Variants in NLRP14 observed in about 807,000 individuals in gnomAD.
The protein encoded by NLRP14 is NACHT, LRR and PYD domains-containing protein 14.
A neutral mutation model predicts 94.7 loss-of-function variants in NLRP14; 105 were observed. The observed-to-expected ratio is 1.11, with a 90% confidence interval of 0.95 to 1.30. The LOEUF is 1.30. Among genes scored for constraint, NLRP14 ranks in the 50% most tolerant of loss-of-function variants. The pLI is 0.00. For synonymous variants in NLRP14, 508 were observed against 459.9 expected, an observed-to-expected ratio of 1.10 and a Z score of -1.34; for missense variants, 1,362 against 1,254.1, an observed-to-expected ratio of 1.09 and a Z score of -1.30.
intron 1 of NLRP14, among the ~76,000 whole-genome samples, chr11:7,027,817 A>T (rs1852035991): frequency 6.6e-6 from 1 of 152,182 alleles, no homozygotes; most frequent in African/African-American, 2.4e-5. Flanking sequence ...TTCTATCAGC[A>T]GAATTTGGCA....
At chr11:7,056,616 C>G (rs1028653864) in intron 6 of NLRP14, among the ~76,000 whole-genome samples, 2 of 148,734 alleles carry the variant, frequency 1.3e-5, no homozygotes, top group Admixed American at 1.3e-4. Context: ...CAGTTAGAAA[C>G]ATTTAAAAAT....
intron 1 of NLRP14, among the ~76,000 whole-genome samples, chr11:7,035,226 C>G (rs1029740901): frequency 1.7e-4 from 26 of 152,108 alleles, no homozygotes; most frequent in African/African-American, 6.0e-4. Context: ...GTGGCTAAGC[C>G]ATGAGAATCG....
intron 5 of NLRP14, among the ~76,000 whole-genome samples, chr11:7,047,764 T>A (rs1852379301): frequency 3.7e-5 from 1 of 26,752 alleles, no homozygotes; most frequent in Non-Finnish European, 8.8e-5. Context: ...CTTTCTTTTC[T>A]TTTCTTTTTT....
Position 7,042,634 on chromosome 11 carries a change from G to T in NLRP14, c.608G>T (p.Gly203Val), listed in dbSNP as rs778673504. ...VRKAMLDWAE[G>V]SLYQQRFKYV... is the part of the protein sequence containing the mutation. ...AAGGCAATGTTAGATTGGGCAGAGG[G>T]CAGTCTCTACCAGCAGAGGTTTAAG... is the stretch of plus-strand genomic sequence containing the variant. The change falls in exon 4 of 12, where the codon GGC becomes GTC. Residue 203 changes from glycine to valine, a missense_variant. By Grantham distance (109) the Gly-to-Val change is moderately radical. Transcript: ENST00000299481. 3 of 1,613,988 alleles carry T rather than the reference G, an allele frequency of 1.9e-6. No homozygotes were observed. Among genetic ancestry groups the T allele is most frequent in the Non-Finnish European group, 2.5e-6 (3 of 1,179,960 alleles).
chr11:7,052,519 G>C (rs930556642), intron 6 of NLRP14, among the ~76,000 whole-genome samples: 1 of 152,152 alleles, frequency 6.6e-6, no homozygotes, highest in Non-Finnish European at 1.5e-5. Context: ...TGTAATCCCA[G>C]CTACTCAGGA....
Position 7,042,602 on chromosome 11 carries a change from G to A in NLRP14, c.576G>A (p.Leu192=). Reference sequence around the variant, plus strand: ...CTGCTGGAGTTGGGAAAACAACCTTGGTGAGAAAGGCAATGTTAGATTGGG... The same window carrying A: ...CTGCTGGAGTTGGGAAAACAACCTTAGTGAGAAAGGCAATGTTAGATTGGG... ...QGAAGVGKTT[L]VRKAMLDWAE... is the part of the protein sequence containing the mutation. Residue 192 remains leucine (L), a synonymous_variant, in exon 4 of 12, where the codon TTG becomes TTA. Coordinates refer to ENST00000299481, the MANE Select transcript of NLRP14 (RefSeq NM_176822.4). 2 of 1,614,192 alleles carry A rather than the reference G, an allele frequency of 1.2e-6. No individual in the cohort carries two copies.
chr11:7,043,149 G>A lies in NLRP14; in HGVS notation c.1123G>A (p.Ala375Thr), dbSNP rs368562565. 4.8e-5 allele frequency: 77 copies of A among 1,613,988 alleles called. 3 individuals carry two copies. The highest frequency in any genetic ancestry group is 4.4e-4 in the South Asian group (40 of 91,078). Residue 375 changes from alanine (A) to threonine (T), a missense_variant, in exon 4 of 12, where the codon GCT becomes ACT. By Grantham distance (58) the Ala-to-Thr change is moderately conservative. Transcript: ENST00000299481. Reference protein sequence around the residue: ...MCQVPLVCWAACTCLKQQMEK... With the variant: ...MCQVPLVCWATCTCLKQQMEK... ...CCAAGTCCCCCTAGTGTGCTGGGCC[G>A]CTTGTACTTGTCTGAAGCAGCAAAT...
intron 1 of NLRP14, among the ~76,000 whole-genome samples, chr11:7,035,539 A>G (rs958420572): frequency 6.6e-6 from 1 of 152,204 alleles, no homozygotes; most frequent in Non-Finnish European, 1.5e-5. Context: ...GTATCCCCCA[A>G]GGAAATATCC....
chr11:7,068,341 A>G (rs118033186), intron 10 of NLRP14, among the ~76,000 whole-genome samples: 1 of 152,168 alleles, frequency 6.6e-6, no homozygotes, highest in African/African-American at 2.4e-5. Flanking sequence ...TCCAACAAAG[A>G]TATTTAAGGT....
At chr11:7,046,910 G>C (rs934230472) in intron 5 of NLRP14, 78 bp downstream of exon 5, 6 of 1,073,924 alleles carry the variant, frequency 5.6e-6, no homozygotes, top group Non-Finnish European at 8.7e-6. Context: ...TACTCGTTAG[G>C]GGAAGCCAAT....
At position 7,043,363 on chromosome 11, in the gene NLRP14, A is replaced by C; in HGVS notation, c.1337A>C (p.Asn446Thr). 6.2e-7 allele frequency: 1 copy of C among 1,614,156 alleles called. No individual in the cohort carries two copies. Among genetic ancestry groups the C allele is most frequent in the Non-Finnish European group, 8.5e-7 (1 of 1,180,026 alleles). ...WTMTYVFYRE[N>T]LRRLGLTQSD... is the part of the protein sequence containing the mutation. Reference sequence around the variant, plus strand: ...ATGACTTACGTGTTTTACAGAGAAAATCTCAGAAGGCTTGGGTTAACTCAA... The same window carrying C: ...ATGACTTACGTGTTTTACAGAGAAACTCTCAGAAGGCTTGGGTTAACTCAA... The change falls in exon 4 of 12, where the codon AAT (asparagine) becomes ACT (threonine). Residue 446 changes from asparagine (N) to threonine (T), a missense_variant. By Grantham distance (65) the Asn-to-Thr change is moderately conservative (BLOSUM62 0). Coordinates refer to ENST00000299481, the MANE Select transcript of NLRP14 (RefSeq NM_176822.4).
chr11:7,077,458 T>C, the NLRP14 span, among the ~76,000 whole-genome samples: 2 of 152,368 alleles, frequency 1.3e-5, no homozygotes, highest in South Asian at 4.1e-4. Flanking sequence ...AAGTGGATGC[T>C]TACCATTCAT....
At chr11:7,030,887 G>A (rs1030343528) in intron 1 of NLRP14, among the ~76,000 whole-genome samples, 3 of 152,204 alleles carry the variant, frequency 2.0e-5, no homozygotes, top group African/African-American at 4.8e-5. Context: ...GGTTTGCTGA[G>A]CGCAGGGGAT....
chr11:7,040,624 C>G (rs543529674), intron 3 of NLRP14, among the ~76,000 whole-genome samples: 76 of 152,208 alleles, frequency 5.0e-4, no homozygotes, highest in Non-Finnish European at 7.2e-4. Flanking sequence ...AATTTAATTC[C>G]AATTTATATA....
chr11:7,072,188 T>C (rs1411849556), downstream of NLRP14, among the ~76,000 whole-genome samples: 1 of 152,252 alleles, frequency 6.6e-6, no homozygotes, highest in Non-Finnish European at 1.5e-5. Flanking sequence ...GCATTTCTTA[T>C]ACTCCACATG....
At chr11:7,053,937 T>C (rs1174893965) in intron 6 of NLRP14, among the ~76,000 whole-genome samples, 1 of 152,142 alleles carries the variant, frequency 6.6e-6, no homozygotes, top group African/African-American at 2.4e-5. Context: ...CATTCCCCTC[T>C]TCCCCTCATT....
At chr11:7,060,328 G>A (rs1305243039) in intron 9 of NLRP14, among the ~76,000 whole-genome samples, 1 of 151,972 alleles carries the variant, frequency 6.6e-6, no homozygotes, top group Non-Finnish European at 1.5e-5. Context: ...TCTTTCCTTG[G>A]TTGTGCCCCA....
At chr11:7,082,967 T>C in the NLRP14 span, among the ~76,000 whole-genome samples, 2 of 152,260 alleles carry the variant, frequency 1.3e-5, no homozygotes, top group African/African-American at 4.8e-5. Context: ...CTATACTTTA[T>C]TGTTTAGGAA....
In NLRP14 at chr11:7,057,699, G is replaced by T; in HGVS notation, c.2314G>T (p.Val772Leu). 1 of 1,612,608 alleles carries T rather than the reference G, an allele frequency of 6.2e-7. No homozygotes were observed. Among genetic ancestry groups the T allele is most frequent in the Non-Finnish European group, 8.5e-7 (1 of 1,178,874 alleles). Residue 772 changes from valine (V) to leucine (L), a missense_variant, in exon 7 of 12, where the codon GTA becomes TTA. Val to Leu is a conservative substitution (Grantham distance 32). Transcript: ENST00000299481. The stretch of plus-strand genomic sequence containing the variant: ...CAGGCTGGAATCTTGCAACCTAACT[G>T]TATTTTGTTGTCTAAATATATCTAA... ...TLRLESCNLT[V>L]FCCLNISNAL...
Sources: allele counts gnomAD v4.1 joint callset (sites outside exome capture counted in the v4.1 genomes callset), GRCh38; gene constraint gnomAD v4.1.1; transcripts MANE v1.5; gene names NCBI Gene and HGNC (gene_info 2026-07-23, HGNC 2026-07-21).